MARCHF3: variants seen among roughly 807,000 people sequenced by gnomAD.
MARCHF3 encodes membrane associated ring-CH-type finger 3, also known as E3 ubiquitin-protein ligase MARCHF3.
A neutral mutation model predicts 24.2 loss-of-function variants in MARCHF3; 13 were observed. The ratio of observed to expected loss-of-function variants is 0.54; its 90% CI spans 0.35 to 0.85. The LOEUF (loss-of-function observed/expected upper bound fraction) is 0.85, where lower values mean the gene tolerates loss of function less well. Among genes scored for constraint, MARCHF3 ranks in the 40% least tolerant of loss-of-function variants. The pLI is 0.01. For synonymous variants in MARCHF3, 144 were observed against 137.3 expected, an observed-to-expected ratio of 1.05 and a Z score of -0.34; for missense variants, 276 against 325.0, an observed-to-expected ratio of 0.85 and a Z score of 1.16.
intron 1 of MARCHF3, among the ~76,000 whole-genome samples, chr5:126,944,114 A>G (rs1354399299): frequency 6.6e-6 from 1 of 151,866 alleles, no homozygotes. Flanking sequence ...CCAGCCATGA[A>G]CCCCTAATCT....
chr5:126,920,564 T>C (rs1749075071), intron 1 of MARCHF3, among the ~76,000 whole-genome samples: 1 of 152,084 alleles, frequency 6.6e-6, no homozygotes. Context: ...TTTGCATAAC[T>C]CCAGCTCAGA....
intron 1 of MARCHF3, among the ~76,000 whole-genome samples, chr5:126,965,433 T>C (rs1232307530): frequency 6.6e-6 from 1 of 152,192 alleles, no homozygotes; most frequent in East Asian, 1.9e-4. Context: ...GCCAAGATGT[T>C]GAATGGTCAA....
intron 3 of MARCHF3, among the ~76,000 whole-genome samples, chr5:126,907,887 C>T (rs1255099658): frequency 2.6e-5 from 4 of 151,334 alleles, no homozygotes; most frequent in African/African-American, 9.7e-5. Flanking sequence ...TTATTTTGCT[C>T]GTTAGTTGAT....
At chr5:126,950,265 T>C (rs1750183052) in intron 1 of MARCHF3, among the ~76,000 whole-genome samples, 1 of 152,248 alleles carries the variant, frequency 6.6e-6, no homozygotes, top group African/African-American at 2.4e-5. Context: ...CATATGACTC[T>C]ACTGAATGGT....
chr5:126,980,436 T>C (rs772037906), intron 1 of MARCHF3, among the ~76,000 whole-genome samples: 40 of 151,694 alleles, frequency 2.6e-4, no homozygotes, highest in South Asian at 1.3e-3. Flanking sequence ...AGTGGCGCAA[T>C]CTTGGCTCAC....
chr5:126,941,606 C>T (rs999949171), intron 1 of MARCHF3, among the ~76,000 whole-genome samples: 3 of 152,208 alleles, frequency 2.0e-5, no homozygotes, highest in African/African-American at 4.8e-5. Context: ...TGACTTGCAT[C>T]TAGGTCTAGG....
intron 1 of MARCHF3, among the ~76,000 whole-genome samples, chr5:126,926,802 G>C (rs1206823104): frequency 6.6e-6 from 1 of 151,576 alleles, no homozygotes; most frequent in Non-Finnish European, 1.5e-5. Context: ...AGGTAGGTGT[G>C]GGCCTGGCAG....
chr5:126,879,345 C>T (rs189291304), intron 3 of MARCHF3, among the ~76,000 whole-genome samples: 1 of 152,196 alleles, frequency 6.6e-6, no homozygotes, highest in Admixed American at 6.5e-5. Flanking sequence ...AATAATTGAG[C>T]CTGAGGATGG....
chr5:126,882,086 C>A (rs1029054263), intron 3 of MARCHF3, among the ~76,000 whole-genome samples: 1 of 152,166 alleles, frequency 6.6e-6, no homozygotes, highest in Admixed American at 6.5e-5. Flanking sequence ...GATATAAACA[C>A]CAGGTAGCAG....
chr5:126,931,336 C>G (rs1405572651), intron 1 of MARCHF3, among the ~76,000 whole-genome samples: 1 of 152,126 alleles, frequency 6.6e-6, no homozygotes, highest in African/African-American at 2.4e-5. Flanking sequence ...AAGTGGAGGA[C>G]TTTCACGCAT....
At chr5:127,007,329 T>G (rs1223720858) in intron 1 of MARCHF3, among the ~76,000 whole-genome samples, 1 of 151,830 alleles carries the variant, frequency 6.6e-6, no homozygotes, top group Non-Finnish European at 1.5e-5. Flanking sequence ...ATGGATTTTT[T>G]TTAACTTGCA....
chr5:126,899,001 CTCTT>C (rs1326375353), intron 3 of MARCHF3: 4 of 957,046 alleles, frequency 4.2e-6, no homozygotes, highest in Non-Finnish European at 4.9e-6. Context: ...CATATTATTT[CTCTT>C]TCGTGTTTTA....
chr5:126,893,076 T>C (rs1055347574), intron 3 of MARCHF3, among the ~76,000 whole-genome samples: 1 of 152,008 alleles, frequency 6.6e-6, no homozygotes, highest in Non-Finnish European at 1.5e-5. Context: ...TTTATTTGCG[T>C]AGAGGTGTTT....
At chr5:126,880,262 C>CAGGG (rs1561775239) in intron 3 of MARCHF3, among the ~76,000 whole-genome samples, 1 of 152,158 alleles carries the variant, frequency 6.6e-6, no homozygotes, top group Non-Finnish European at 1.5e-5. Flanking sequence ...CTCCACCTTT[C>CAGGG]AGGGACAAGC....
chr5:126,907,017 G>A (rs1481058765), intron 3 of MARCHF3, among the ~76,000 whole-genome samples: 1 of 151,882 alleles, frequency 6.6e-6, no homozygotes, highest in Non-Finnish European at 1.5e-5. Context: ...GGTATGTTGT[G>A]TCTTTGTTGT....
chr5:126,915,182 C>T (rs994149013), intron 2 of MARCHF3, 48 bp from the exon 3 acceptor site: 1 of 1,583,750 alleles, frequency 6.3e-7, no homozygotes, highest in Non-Finnish European at 8.6e-7. Context: ...TGGAAACCTC[C>T]ACCAAGTGGA....
chr5:126,949,455 G>A (rs1394163012), intron 1 of MARCHF3, among the ~76,000 whole-genome samples: 8 of 152,122 alleles, frequency 5.3e-5, no homozygotes, highest in Non-Finnish European at 1.0e-4. Context: ...TCAAAATGTC[G>A]AGCTATTAAT....
chr5:126,878,361 G>C lies in MARCHF3; in HGVS notation c.427C>G (p.Arg143Gly). 2 of 1,613,898 alleles carry C rather than the reference G, an allele frequency of 1.2e-6. No homozygotes were observed. Among genetic ancestry groups the C allele is most frequent in the Non-Finnish European group, 1.7e-6 (2 of 1,179,880 alleles). ...CACACCATGTCGCCAAACAGAGTCCGCTTCTCATGCTGGGGGCCAGGGTTT... is the reference window on the plus strand; with the variant it reads ...CACACCATGTCGCCAAACAGAGTCCCCTTCTCATGCTGGGGGCCAGGGTTT... ...LRNPGPQHEK[R>G]TLFGDMVCFL... The change falls in exon 4 of 5, where the codon CGG becomes GGG. Residue 143 changes from arginine to glycine, a missense_variant. Arg to Gly is a moderately radical substitution (Grantham distance 125). Transcript: ENST00000308660.
At chr5:126,932,617 G>T (rs1749514862) in intron 1 of MARCHF3, among the ~76,000 whole-genome samples, 1 of 152,224 alleles carries the variant, frequency 6.6e-6, no homozygotes, top group Admixed American at 6.5e-5. Flanking sequence ...GGAACCTAAG[G>T]AAAGTAGGTG....
Sources: gnomAD v4.1 joint callset for allele counts (sites outside exome capture counted in the v4.1 genomes callset) on GRCh38, gnomAD v4.1.1 for gene constraint, MANE v1.5 for transcripts, NCBI Gene and HGNC (gene_info 2026-07-23, HGNC 2026-07-21) for gene names.